NSG1: variants seen among roughly 807,000 people sequenced by gnomAD.
The protein encoded by NSG1 is neuronal vesicle trafficking-associated protein 1.
NSG1 carries 9 observed loss-of-function variants against 19.3 expected under a neutral mutation model. The ratio of observed to expected loss-of-function variants is 0.47; its 90% CI spans 0.28 to 0.81. The LOEUF is 0.81. Among genes scored for constraint, NSG1 ranks in the 40% least tolerant of loss-of-function variants. The probability of loss-of-function intolerance (pLI) is 0.11; values close to 1 mark genes in which losing one functional copy is unlikely to be tolerated. For synonymous variants in NSG1, 104 were observed against 107.0 expected, an observed-to-expected ratio of 0.97 and a Z score of 0.17; for missense variants, 236 against 242.4, an observed-to-expected ratio of 0.97 and a Z score of 0.18.
At chr4:4,413,383 T>C (rs1724330139) in intron 4 of NSG1, among the ~76,000 whole-genome samples, 1 of 151,348 alleles carries the variant, frequency 6.6e-6, no homozygotes, top group African/African-American at 2.4e-5. Context: ...GCCCCCACCC[T>C]TTCACTCATG....
Position 4,416,307 on chromosome 4 carries a change from C to A in NSG1, c.358-928C>A, listed in dbSNP as rs79810830. On this transcript the variant is annotated intron_variant, in intron 4 of 4. Coordinates refer to ENST00000621129, the MANE Select transcript of NSG1 (RefSeq NM_014392.5). ...GATGCGGGGCAGTGTTGGTGAGAAG[C>A]ACATTCCATTTGTCATTTCTCTTTT... 3.0e-3 allele frequency: 2,054 copies of A among 674,036 alleles called. 31 individuals carry two copies. In the African/African-American group the frequency reaches 0.032, roughly 11 times the overall value. 41.8% of individuals were successfully genotyped at this position (674,036 alleles called of 1,614,324 possible).
At chr4:4,389,322 GCT>G (rs1451136575) in intron 2 of NSG1, among the ~76,000 whole-genome samples, 1 of 152,220 alleles carries the variant, frequency 6.6e-6, no homozygotes, top group Admixed American at 6.5e-5. Flanking sequence ...TGATGAGTCT[GCT>G]CTCTCTGCAA....
chr4:4,414,043 G>A (rs1273297764), intron 4 of NSG1, among the ~76,000 whole-genome samples: 2 of 152,070 alleles, frequency 1.3e-5, no homozygotes, highest in East Asian at 1.9e-4. Context: ...AGTCCCCACC[G>A]AAACTGGCTA....
intron 2 of NSG1, among the ~76,000 whole-genome samples, chr4:4,388,173 C>G (rs1722833729): frequency 6.6e-6 from 1 of 152,150 alleles, no homozygotes; most frequent in Non-Finnish European, 1.5e-5. Flanking sequence ...CCCGACTTGC[C>G]CCACCGAGGC....
intron 3 of NSG1, among the ~76,000 whole-genome samples, chr4:4,406,070 C>T (rs1394856161): frequency 1.3e-5 from 2 of 152,200 alleles, no homozygotes; most frequent in Non-Finnish European, 2.9e-5. Flanking sequence ...CTCTGTTGCC[C>T]AGGCTGGAGT....
chr4:4,414,920 C>G (rs140637498), intron 4 of NSG1, among the ~76,000 whole-genome samples: 1 of 151,530 alleles, frequency 6.6e-6, no homozygotes, highest in Non-Finnish European at 1.5e-5. Context: ...AGACGTGGCC[C>G]GAGAGGACAC....
chr4:4,412,081 T>G (rs572762165), intron 4 of NSG1, among the ~76,000 whole-genome samples: 1 of 152,206 alleles, frequency 6.6e-6, no homozygotes, highest in African/African-American at 2.4e-5. Flanking sequence ...GGCTGCGAGG[T>G]CACCAGGCGA....
At chr4:4,412,936 C>G (rs966986740) in intron 4 of NSG1, among the ~76,000 whole-genome samples, 1 of 152,082 alleles carries the variant, frequency 6.6e-6, no homozygotes, top group African/African-American at 2.4e-5. Flanking sequence ...GATATGAGGA[C>G]GCAGAGAGTC....
chr4:4,415,743 G>A (rs770589914), intron 4 of NSG1: 3 of 206,814 alleles, frequency 1.5e-5, no homozygotes, highest in African/African-American at 4.8e-5. Context: ...GGTGTTGGCC[G>A]CATCAGGTCT....
chr4:4,390,097 C>T (rs1362215976), intron 2 of NSG1, among the ~76,000 whole-genome samples: 1 of 152,184 alleles, frequency 6.6e-6, no homozygotes, highest in Non-Finnish European at 1.5e-5. Context: ...TCATCCTCAG[C>T]AGTAGCCTTA....
chr4:4,387,561 C>CGGGGGGGGGGGGGGGGG, intron 1 of NSG1, 43 bp from the exon 2 acceptor site: 9 of 1,141,966 alleles, frequency 7.9e-6, no homozygotes, highest in East Asian at 2.7e-5. Flanking sequence ...CGCCCCGCCC[C>CGGGGGGGGGGGGGGGGG]GGGTCTTGCT....
At chr4:4,414,323 G>A (rs548474193) in intron 4 of NSG1, among the ~76,000 whole-genome samples, 117 of 151,998 alleles carry the variant, frequency 7.7e-4, no homozygotes, top group African/African-American at 1.9e-3. Context: ...GGCGCTCCAG[G>A]TGATTCCCAT....
chr4:4,397,039 C>CTGTG (rs61613589), intron 3 of NSG1, among the ~76,000 whole-genome samples: 22,584 of 150,072 alleles, frequency 0.15, 4,354 homozygotes, highest in African/African-American at 0.45. Flanking sequence ...GTTCAGTCAT[C>CTGTG]TGTGTGTGTG....
At chr4:4,415,870 C>T (rs1372565496) in intron 4 of NSG1, 3 of 537,198 alleles carry the variant, frequency 5.6e-6, no homozygotes, top group Non-Finnish European at 1.0e-5. Context: ...GGCGGTGAGG[C>T]TGGAGGGGAG....
chr4:4,409,479 C>A, intron 3 of NSG1, 94 bp from the exon 4 acceptor site: 1 of 910,472 alleles, frequency 1.1e-6, no homozygotes, highest in Non-Finnish European at 1.8e-6. Flanking sequence ...AGTCTCTGCA[C>A]ATGCTGTGTG....
chr4:4,394,168 C>G (rs534030753), intron 3 of NSG1, among the ~76,000 whole-genome samples: 1 of 152,222 alleles, frequency 6.6e-6, no homozygotes, highest in Non-Finnish European at 1.5e-5. Context: ...TCCTTGGTTT[C>G]TTGGAGAAGT....
intron 4 of NSG1, among the ~76,000 whole-genome samples, chr4:4,410,438 T>C (rs1270565026): frequency 6.6e-6 from 1 of 152,188 alleles, no homozygotes; most frequent in Non-Finnish European, 1.5e-5. Context: ...TGTGCCAGCC[T>C]CACAGAGTGT....
intron 3 of NSG1, among the ~76,000 whole-genome samples, chr4:4,403,982 T>C (rs996145146): frequency 1.3e-5 from 2 of 152,172 alleles, no homozygotes; most frequent in Admixed American, 6.5e-5. Flanking sequence ...GCGGGAGGCA[T>C]CTGGAGAGTT....
intron 3 of NSG1, among the ~76,000 whole-genome samples, chr4:4,392,763 C>A (rs900367292): frequency 6.6e-6 from 1 of 152,180 alleles, no homozygotes; most frequent in Admixed American, 6.5e-5. Context: ...CAAATCCTCC[C>A]AGCAGCCCTC....
Sources: gnomAD v4.1 joint callset for allele counts (sites outside exome capture counted in the v4.1 genomes callset) on GRCh38, gnomAD v4.1.1 for gene constraint, MANE v1.5 for transcripts, NCBI Gene and HGNC (gene_info 2026-07-23, HGNC 2026-07-21) for gene names.